Variants in ZEB1 observed in about 807,000 individuals in gnomAD.
ZEB1 encodes the protein zinc finger E-box binding homeobox 1.
A neutral mutation model predicts 84.9 loss-of-function variants in ZEB1; 21 were observed. The ratio of observed to expected loss-of-function variants is 0.25; its 90% CI spans 0.18 to 0.36. The LOEUF (loss-of-function observed/expected upper bound fraction) is 0.36, where lower values mean the gene tolerates loss of function less well. Ranked by LOEUF, ZEB1 falls within the 10% of genes least tolerant of loss-of-function variation. ZEB1 has a pLI of 1.00. For missense variants in ZEB1, 1,104 were observed against 1,330.2 expected (o/e 0.83, Z 2.65); for synonymous variants, 420 against 471.1 (o/e 0.89, Z 1.41).
chr10:31,377,880 C>A (rs2046944311), intron 1 of ZEB1, among the ~76,000 whole-genome samples: 2 of 151,648 alleles, frequency 1.3e-5, no homozygotes, highest in African/African-American at 4.8e-5. Context: ...ATTACAAACT[C>A]TGCTGTTGGC....
At chr10:31,375,078 CACACACACACACAG>C (rs748055152) in intron 1 of ZEB1, 25 of 149,182 alleles carry the variant, frequency 1.7e-4, no homozygotes, top group Non-Finnish European at 3.3e-4. Flanking sequence ...CACACACACA[CACACACACACACAG>C]AGAAGCATAC....
At chr10:31,367,268 G>A (rs1190444369) in intron 1 of ZEB1, among the ~76,000 whole-genome samples, 2 of 152,084 alleles carry the variant, frequency 1.3e-5, no homozygotes, top group African/African-American at 4.8e-5. Context: ...TAGTGTCTTG[G>A]CTATTTATCT....
chr10:31,387,830 C>A, intron 1 of ZEB1: 1 of 908,184 alleles, frequency 1.1e-6, no homozygotes, highest in Non-Finnish European at 1.3e-6. Flanking sequence ...TATGTCAGAT[C>A]TTAATTGAAA....
In ZEB1 at chr10:31,345,448, G is replaced by A. The variant is rs191219596; in HGVS notation, c.58+26156G>A. On this transcript the variant is annotated intron_variant, in intron 1 of 8. Transcript: ENST00000424869. ...GTTCTGTAGGTTTGTGGCATTTTAT[G>A]TGGGGAATGTAGATGCTAAGTGTTA... Among the ~76,000 whole-genome samples the A allele has an allele frequency of 2.4e-4, 37 of 152,244 alleles. 2 individuals carry two copies. Among genetic ancestry groups the A allele is most frequent in the African/African-American group, 7.9e-4 (33 of 41,558 alleles).
rs1421701613 is a variant in ZEB1, at chr10:31,360,983, T to C, written c.58+41691T>C. 3.1e-6 allele frequency: 5 copies of C among 1,605,808 alleles called. No individual in the cohort carries two copies. In the East Asian group the frequency reaches 1.1e-4, roughly 36 times the overall value. On this transcript the variant is annotated intron_variant, in intron 1 of 8. Coordinates refer to ENST00000424869, the MANE Select transcript of ZEB1 (RefSeq NM_001174096.2). ...GCGACCGCCACGGAGCAGTGGGTTC[T>C]GGTGGAGATGGTACAGGCGCTTTAC...
At chr10:31,363,924 T>G in intron 1 of ZEB1, 2 of 1,307,120 alleles carry the variant, frequency 1.5e-6, no homozygotes, top group South Asian at 1.5e-5. Flanking sequence ...CAGGCACAGG[T>G]GCAGGAGCTG....
At chr10:31,363,519 G>C (rs556328171) in intron 1 of ZEB1, 2 of 1,529,372 alleles carry the variant, frequency 1.3e-6, no homozygotes, top group Admixed American at 3.9e-5. Context: ...TGCTACAGGG[G>C]CCCCTTTTAT....
chr10:31,320,133 C>T (rs1380054883), intron 1 of ZEB1: 3 of 151,784 alleles, frequency 2.0e-5, no homozygotes, highest in African/African-American at 7.3e-5. Flanking sequence ...CCTGGGGACT[C>T]CGCGGCGAGC....
intron 1 of ZEB1, among the ~76,000 whole-genome samples, chr10:31,439,440 C>T (rs933145009): frequency 6.6e-6 from 1 of 152,034 alleles, no homozygotes; most frequent in Non-Finnish European, 1.5e-5. Flanking sequence ...TTAAACCTTG[C>T]ATATGTCAGG....
chr10:31,488,578 G>A (rs2066059236), intron 2 of ZEB1, among the ~76,000 whole-genome samples: 1 of 149,602 alleles, frequency 6.7e-6, no homozygotes, highest in East Asian at 2.0e-4. Flanking sequence ...CTTGCTTTGG[G>A]TTTATTTTGC....
chr10:31,397,159 T>TTTATCA (rs2050907423), intron 1 of ZEB1, among the ~76,000 whole-genome samples: 1 of 128,362 alleles, frequency 7.8e-6, no homozygotes, highest in South Asian at 2.7e-4. Flanking sequence ...TCTTGGGTTT[T>TTTATCA]TTATTATTAT....
intron 5 of ZEB1, among the ~76,000 whole-genome samples, chr10:31,512,685 C>T (rs933309674): frequency 6.6e-6 from 1 of 151,940 alleles, no homozygotes; most frequent in South Asian, 2.1e-4. Context: ...ATATTAGGGA[C>T]CATACATTAG....
intron 1 of ZEB1, among the ~76,000 whole-genome samples, chr10:31,402,491 A>AT (rs1214613221): frequency 6.6e-6 from 1 of 152,062 alleles, no homozygotes; most frequent in Non-Finnish European, 1.5e-5. Flanking sequence ...ACAGCCCCTG[A>AT]TTGAGCATTA....
intron 2 of ZEB1, among the ~76,000 whole-genome samples, chr10:31,479,328 G>A (rs1354958889): frequency 6.6e-6 from 1 of 151,780 alleles, no homozygotes; most frequent in African/African-American, 2.4e-5. Context: ...AATGACAAGT[G>A]GTCAACTTGT....
At chr10:31,407,603 A>G (rs2053368541) in intron 1 of ZEB1, among the ~76,000 whole-genome samples, 2 of 152,190 alleles carry the variant, frequency 1.3e-5, no homozygotes, top group South Asian at 2.1e-4. Context: ...TCCTTTGGGT[A>G]TATACACAGT....
intron 1 of ZEB1, among the ~76,000 whole-genome samples, chr10:31,324,803 G>T (rs1564462056): frequency 6.6e-6 from 1 of 151,994 alleles, no homozygotes; most frequent in Admixed American, 6.5e-5. Context: ...TTTTTAAAGG[G>T]TAGATGTTGT....
At chr10:31,436,803 C>A (rs1467381900) in intron 1 of ZEB1, among the ~76,000 whole-genome samples, 2 of 152,066 alleles carry the variant, frequency 1.3e-5, no homozygotes, top group Admixed American at 6.6e-5. Flanking sequence ...ACCTATTTCC[C>A]ACTTCATTTT....
intron 1 of ZEB1, among the ~76,000 whole-genome samples, chr10:31,406,837 A>T (rs2053162860): frequency 6.6e-6 from 1 of 152,076 alleles, no homozygotes; most frequent in Non-Finnish European, 1.5e-5. Context: ...TCTTATGTTT[A>T]AGTGTTTAAT....
chr10:31,496,083 T>C (rs571464320), intron 3 of ZEB1, among the ~76,000 whole-genome samples: 1 of 152,210 alleles, frequency 6.6e-6, no homozygotes, highest in East Asian at 1.9e-4. Flanking sequence ...ATGACAAGTA[T>C]AACCTACAGA....
Sources: allele counts gnomAD v4.1 joint callset (sites outside exome capture counted in the v4.1 genomes callset), GRCh38; gene constraint gnomAD v4.1.1; transcripts MANE v1.5; gene names NCBI Gene and HGNC (gene_info 2026-07-23, HGNC 2026-07-21).